Variants in SIN3A observed in about 807,000 individuals in gnomAD.
The protein encoded by SIN3A is SIN3 transcription regulator family member A.
Under a neutral mutation model 146.1 loss-of-function variants are expected in SIN3A, and 14 were observed. The observed-to-expected ratio is 0.10, with a 90% CI of 0.06 to 0.15. The LOEUF (loss-of-function observed/expected upper bound fraction) is 0.15, where lower values mean the gene tolerates loss of function less well. Among genes scored for constraint, SIN3A ranks in the 10% least tolerant of loss-of-function variants. SIN3A has a pLI of 1.00. For missense variants in SIN3A, 1,028 were observed against 1,576.0 expected (o/e 0.65, Z 5.89); for synonymous variants, 572 against 572.0 (o/e 1.00, Z 0.00).
Position 75,401,912 on chromosome 15 carries a change from A to G in SIN3A, c.1466T>C (p.Ile489Thr). ...AYENFLRCLVIFNQEVISRAE... is the reference protein window; with the variant it reads ...AYENFLRCLVTFNQEVISRAE... ...ACGAGAGATCACCTCCTGGTTAAAAATAACAAGACAGCGTAGGAAATTTTC... is the reference window on the plus strand; with the variant it reads ...ACGAGAGATCACCTCCTGGTTAAAAGTAACAAGACAGCGTAGGAAATTTTC... The change falls in exon 10 of 21, where the codon ATT (isoleucine) becomes ACT (threonine). Residue 489 changes from isoleucine to threonine, a missense_variant. Physicochemically the swap from Ile to Thr is moderately conservative, Grantham distance 89. Around this residue, in one of 9 missense-constraint regions of SIN3A, gnomAD observed 157 missense variants for 284.8 expected, o/e 0.55. Transcript: ENST00000394947. The G allele has an allele frequency of 6.2e-7, 1 of 1,614,144 alleles. No homozygotes were observed. The highest frequency in any genetic ancestry group is 8.5e-7 in the Non-Finnish European group (1 of 1,179,974).
At chr15:75,393,182 T>G (rs1319053096) in intron 14 of SIN3A, among the ~76,000 whole-genome samples, 5 of 152,148 alleles carry the variant, frequency 3.3e-5, no homozygotes, top group African/African-American at 1.2e-4. Flanking sequence ...TGAGCCGAGA[T>G]CGTACTACTG....
intron 17 of SIN3A, chr15:75,384,034 T>C (rs1595890020): frequency 3.6e-6 from 1 of 274,202 alleles, no homozygotes; most frequent in African/African-American, 2.2e-5. Flanking sequence ...TACAAAATTG[T>C]AAAAATCATA....
intron 1 of SIN3A, among the ~76,000 whole-genome samples, chr15:75,434,951 G>GA (rs1245343947): frequency 2.7e-4 from 34 of 127,670 alleles, no homozygotes; most frequent in East Asian, 2.6e-3. Flanking sequence ...TCCGCCTCAA[G>GA]AAAAAAAAAA....
At position 75,394,685 on chromosome 15, in the gene SIN3A, CATAG is replaced by C; in HGVS notation, c.2268_2271del (p.Ile756MetfsTer37). ...TGCAGAAACCCCCCGCTCACCTCAT[CATAG>C]ATACTCTCAATCTCATTGAGTAAGC... On this transcript the variant is annotated frameshift_variant, in exon 14 of 21. Coordinates refer to ENST00000394947, the MANE Select transcript of SIN3A (RefSeq NM_001145358.2). LOFTEE classifies it high-confidence loss of function. 1 of 1,611,454 alleles carries C rather than the reference CATAG, an allele frequency of 6.2e-7. No individual in the cohort carries two copies. The highest frequency in any genetic ancestry group is 8.5e-7 in the Non-Finnish European group (1 of 1,179,006).
chr15:75,394,691 T>C lies in SIN3A; in HGVS notation c.2266A>G (p.Ile756Val). ...AACCCCCCGCTCACCTCATCATAGA[T>C]ACTCTCAATCTCATTGAGTAAGCTC... is the stretch of plus-strand genomic sequence containing the variant. ...SKSLLNEIES[I>V]YDERQEQATE... is the part of the protein sequence containing the mutation. Residue 756 changes from isoleucine (I) to valine (V), a missense_variant, in exon 14 of 21, where the codon ATC (isoleucine) becomes GTC (valine). Physicochemically the swap from Ile to Val is conservative, Grantham distance 29. This residue lies in a region of SIN3A where 488 missense variants were observed against 690.2 expected (regional missense o/e 0.71). Coordinates refer to ENST00000394947, the MANE Select transcript of SIN3A (RefSeq NM_001145358.2). 5 of 1,611,818 alleles carry C rather than the reference T, an allele frequency of 3.1e-6. No individual in the cohort carries two copies. In the South Asian group the frequency reaches 5.5e-5, roughly 18 times the overall value.
intron 1 of SIN3A, among the ~76,000 whole-genome samples, chr15:75,449,943 C>CT (rs567478887): frequency 1.5e-4 from 23 of 151,958 alleles, no homozygotes; most frequent in East Asian, 3.9e-4. Flanking sequence ...CCACGCCCAG[C>CT]TTTTTTTTGT....
rs558744012 is a variant in SIN3A at position 75,378,936 on chromosome 15, G to A, written c.3383+1693C>T. ...TTATTTTTGAGGCAGAGTCTCACTCGGTCACCCAGGCTGGAGTGCCGTGGT... is the reference window on the plus strand; with the variant it reads ...TTATTTTTGAGGCAGAGTCTCACTCAGTCACCCAGGCTGGAGTGCCGTGGT... On this transcript the variant is annotated intron_variant, in intron 19 of 20. Coordinates refer to ENST00000394947, the MANE Select transcript of SIN3A (RefSeq NM_001145358.2). Among the ~76,000 whole-genome samples the A allele has an allele frequency of 6.0e-5, 9 of 149,160 alleles. No individual in the cohort carries two copies. In the East Asian group the frequency reaches 9.8e-4, roughly 16 times the overall value.
intron 6 of SIN3A, 99 bp from the exon 7 acceptor site, chr15:75,410,385 T>C (rs1465814353): frequency 4.1e-6 from 5 of 1,208,426 alleles, no homozygotes; most frequent in Non-Finnish European, 4.7e-6. Flanking sequence ...TTAGGCTGCA[T>C]GTAAGAAGAA....
At chr15:75,397,568 T>C (rs1176993161) in intron 12 of SIN3A, among the ~76,000 whole-genome samples, 2 of 152,166 alleles carry the variant, frequency 1.3e-5, no homozygotes, top group Non-Finnish European at 2.9e-5. Flanking sequence ...TAAACATCAA[T>C]GTACATGTAG....
chr15:75,396,613 C>G (rs2073309550), intron 12 of SIN3A, 117 bp from the exon 13 acceptor site: 1 of 703,216 alleles, frequency 1.4e-6, no homozygotes. Flanking sequence ...TGGTTCTGCC[C>G]TACTAGCTAC....
At position 75,392,785 on chromosome 15, in the gene SIN3A, C is replaced by T. The variant is rs1213176093; in HGVS notation, c.2308G>A (p.Gly770Ser). The T allele has an allele frequency of 6.2e-7, 1 of 1,613,192 alleles. No homozygotes were observed. The highest frequency in any genetic ancestry group is 1.7e-5 in the Admixed American group (1 of 59,984). ...GAGAGGTGTGGGCCAACAGGTACAC[C>T]AGCATTCTCCTCCGTAGCCTGCTCT... is the stretch of plus-strand genomic sequence containing the variant. Reference protein sequence around the residue: ...RQEQATEENAGVPVGPHLSLA... With the variant: ...RQEQATEENASVPVGPHLSLA... Residue 770 changes from glycine (G) to serine (S), a missense_variant, in exon 15 of 21, where the codon GGT becomes AGT. Gly to Ser is a moderately conservative substitution (Grantham distance 56). Transcript: ENST00000394947.
At chr15:75,451,244 C>G (rs2074401985) in intron 1 of SIN3A, 179 bp downstream of exon 1, 1 of 139,072 alleles carries the variant, frequency 7.2e-6, no homozygotes, top group African/African-American at 2.7e-5. Flanking sequence ...CCTCCCCCTC[C>G]CGCGCGGAGA....
chr15:75,452,241 G>T (rs527814792), upstream of SIN3A, among the ~76,000 whole-genome samples: 2 of 152,340 alleles, frequency 1.3e-5, no homozygotes, highest in East Asian at 3.9e-4. Flanking sequence ...TGGCCAGGGC[G>T]CCCGTCTAGG....
upstream of SIN3A, among the ~76,000 whole-genome samples, chr15:75,452,698 G>C (rs980265739): frequency 7.2e-5 from 11 of 152,236 alleles, no homozygotes; most frequent in African/African-American, 2.7e-4. Context: ...CCGGAAGGCG[G>C]AGCGTGAGGC....
intron 3 of SIN3A, chr15:75,419,172 T>C (rs1001229976): frequency 1.3e-5 from 2 of 152,214 alleles, no homozygotes; most frequent in African/African-American, 4.8e-5. Flanking sequence ...ACTTGTTTGA[T>C]GGTTAGTTTT....
At chr15:75,422,620 G>T in intron 3 of SIN3A, 27 bp downstream of exon 3, 1 of 1,613,512 alleles carries the variant, frequency 6.2e-7, no homozygotes, top group South Asian at 1.1e-5. Flanking sequence ...TAAATTTTTT[G>T]ACCCAAGAAA....
intron 19 of SIN3A, among the ~76,000 whole-genome samples, chr15:75,380,019 ACT>A (rs1171887949): frequency 2.0e-5 from 3 of 152,032 alleles, no homozygotes; most frequent in African/African-American, 7.3e-5. Context: ...ATTTGTACAA[ACT>A]CTATAGCTTA....
intron 1 of SIN3A, among the ~76,000 whole-genome samples, chr15:75,451,056 C>A (rs1426381284): frequency 6.8e-6 from 1 of 148,134 alleles, no homozygotes; most frequent in Admixed American, 6.7e-5. Flanking sequence ...CAGAGCGCGG[C>A]CGCCAGCCCG....
intron 14 of SIN3A, among the ~76,000 whole-genome samples, chr15:75,393,301 G>C (rs777233564): frequency 6.6e-6 from 1 of 152,196 alleles, no homozygotes; most frequent in Non-Finnish European, 1.5e-5. Context: ...TAATGACAGA[G>C]ACGTGGTTTG....
Sources: gnomAD v4.1 joint callset for allele counts (sites outside exome capture counted in the v4.1 genomes callset) on GRCh38, gnomAD v4.1.1 for gene constraint, gnomAD v4.1.1 regional missense constraint, MANE v1.5 for transcripts, NCBI Gene and HGNC (gene_info 2026-07-23, HGNC 2026-07-21) for gene names.